Variants in FXYD5 observed in about 807,000 individuals in gnomAD.
FXYD5 encodes FXYD domain-containing ion transport regulator 5.
A neutral mutation model predicts 25.7 loss-of-function variants in FXYD5; 21 were observed. The observed-to-expected ratio is 0.82, with a 90% CI of 0.58 to 1.18. FXYD5 has a LOEUF of 1.18. FXYD5 is among the 50% of genes most tolerant of loss of function. The pLI, the probability that FXYD5 is intolerant of heterozygous loss-of-function variation, is 0.00. For synonymous variants in FXYD5, 101 were observed against 90.7 expected, an observed-to-expected ratio of 1.11 and a Z score of -0.64; for missense variants, 229 against 227.7, an observed-to-expected ratio of 1.01 and a Z score of -0.04.
At chr19:35,162,692 T>G (rs1299980458) in intron 5 of FXYD5, among the ~76,000 whole-genome samples, 1 of 152,060 alleles carries the variant, frequency 6.6e-6, no homozygotes, top group Non-Finnish European at 1.5e-5. Flanking sequence ...TCACATGGAA[T>G]TTGGTGGGGT....
intron 8 of FXYD5, among the ~76,000 whole-genome samples, chr19:35,168,245 T>C (rs1203488250): frequency 6.6e-6 from 1 of 152,172 alleles, no homozygotes; most frequent in Non-Finnish European, 1.5e-5. Flanking sequence ...CAAGCAGCCC[T>C]GGTCCCTGTC....
At chr19:35,163,513 G>A (rs965093978) in intron 5 of FXYD5, among the ~76,000 whole-genome samples, 12 of 151,468 alleles carry the variant, frequency 7.9e-5, no homozygotes, top group African/African-American at 2.9e-4. Context: ...ACAGAGTGTT[G>A]CTCTGTTGCC....
chr19:35,163,116 G>C (rs879714894), intron 5 of FXYD5, among the ~76,000 whole-genome samples: 1 of 152,242 alleles, frequency 6.6e-6, no homozygotes, highest in African/African-American at 2.4e-5. Flanking sequence ...AGTCCAGACT[G>C]TCTCACCCCA....
At chr19:35,165,767 G>A (rs939030244) in intron 6 of FXYD5, among the ~76,000 whole-genome samples, 13 of 152,102 alleles carry the variant, frequency 8.5e-5, no homozygotes, top group Admixed American at 6.6e-4. Flanking sequence ...TTGGGGATTA[G>A]GGATAGTCAA....
At chr19:35,164,822 A>T (rs1479473912) in intron 6 of FXYD5, among the ~76,000 whole-genome samples, 1 of 152,242 alleles carries the variant, frequency 6.6e-6, no homozygotes. Flanking sequence ...CTCTGCCCTC[A>T]TGGAACTACT....
In FXYD5 at chr19:35,166,057, A is replaced by G. The variant is rs113058708; in HGVS notation, c.383-85A>G. On this transcript the variant is annotated intron_variant, in intron 6 of 8. Coordinates refer to ENST00000392219, the MANE Select transcript of FXYD5 (RefSeq NM_014164.6). ...GGTTTTGTTCTAAGGGTACCCAGGT[A>G]TCCCCCTTTCCTGACTTTGCCATTC... 7,513 of 1,264,356 alleles carry G rather than the reference A, an allele frequency of 5.9e-3. 32 individuals are homozygous for G. The highest frequency in any genetic ancestry group is 7.5e-3 in the Non-Finnish European group (6,496 of 862,222). 78.3% of individuals were successfully genotyped at this position (1,264,356 alleles called of 1,614,324 possible).
chr19:35,157,388 C>T (rs74836246), intron 2 of FXYD5, 33 bp from the exon 3 acceptor site: 2 of 1,224,020 alleles, frequency 1.6e-6, no homozygotes, highest in South Asian at 1.2e-5. Flanking sequence ...GGGGACCAGG[C>T]TCCCTCCTGA....
intron 8 of FXYD5, 73 bp from the exon 9 acceptor site, chr19:35,169,493 C>A: frequency 8.8e-7 from 1 of 1,134,976 alleles, no homozygotes; most frequent in Non-Finnish European, 1.3e-6. Context: ...CAATCTGGTT[C>A]CCCAGCCCCA....
chr19:35,162,834 G>A (rs953568056), intron 5 of FXYD5, among the ~76,000 whole-genome samples: 2 of 152,160 alleles, frequency 1.3e-5, no homozygotes, highest in African/African-American at 4.8e-5. Context: ...GGGAAGGGAG[G>A]GCAATGTCTT....
intron 8 of FXYD5, 90 bp from the exon 9 acceptor site, chr19:35,169,476 G>A (rs1238415509): frequency 3.1e-6 from 3 of 971,608 alleles, no homozygotes; most frequent in Non-Finnish European, 5.0e-6. Flanking sequence ...CGAGGGGCAG[G>A]GTTGATCAAT....
chr19:35,162,353 T>A (rs1190363757), intron 5 of FXYD5, among the ~76,000 whole-genome samples: 1 of 152,140 alleles, frequency 6.6e-6, no homozygotes, highest in Non-Finnish European at 1.5e-5. Flanking sequence ...TCACCTAGGG[T>A]TTTAATCTGC....
chr19:35,169,336 C>T (rs1192893587), intron 8 of FXYD5, among the ~76,000 whole-genome samples: 2 of 151,900 alleles, frequency 1.3e-5, no homozygotes, highest in African/African-American at 4.8e-5. Context: ...AAGTGAGATA[C>T]AAAATAATGG....
In FXYD5 at chr19:35,164,197, T is replaced by C. The variant is rs1353918327; in HGVS notation, c.334T>C (p.Ser112Pro). Residue 112 changes from serine (S) to proline (P), a missense_variant, in exon 6 of 9, where the codon TCC becomes CCC. Transcript: ENST00000392219. Reference protein sequence around the residue: ...DDTTTLSERPSPSTDVQTDPQ... With the variant: ...DDTTTLSERPPPSTDVQTDPQ... The stretch of plus-strand genomic sequence containing the variant: ...CACCACGACGCTCTCTGAGAGACCA[T>C]CCCCAAGCACAGACGTCCAGACAGA... 1 of 1,613,926 alleles carries C rather than the reference T, an allele frequency of 6.2e-7. No individual in the cohort carries two copies. The highest frequency in any genetic ancestry group is 1.7e-5 in the Admixed American group (1 of 59,990).
At chr19:35,165,087 G>C (rs56058408) in intron 6 of FXYD5, among the ~76,000 whole-genome samples, 3 of 152,108 alleles carry the variant, frequency 2.0e-5, no homozygotes, top group Middle Eastern at 3.4e-3. Flanking sequence ...ATTTCCTTTC[G>C]GTGTCATGTC....
intron 5 of FXYD5, among the ~76,000 whole-genome samples, chr19:35,161,362 T>G (rs80290620): frequency 0.013 from 1,988 of 152,274 alleles, 44 homozygotes; most frequent in African/African-American, 0.042. Context: ...CTCTTGGTTC[T>G]GTTGTCTTCA....
intron 1 of FXYD5, chr19:35,155,135 C>T (rs575773900): frequency 1.3e-4 from 28 of 208,328 alleles, no homozygotes; most frequent in African/African-American, 6.5e-4. Context: ...CCCCTCCTCG[C>T]CGACTCCCGG....
At chr19:35,168,728 C>T (rs1055476386) in intron 8 of FXYD5, among the ~76,000 whole-genome samples, 2 of 152,158 alleles carry the variant, frequency 1.3e-5, no homozygotes, top group Non-Finnish European at 2.9e-5. Flanking sequence ...AACACCCTTC[C>T]TCCAGGTGTC....
rs140736585 is a variant in FXYD5, at chr19:35,169,794, C to A, written c.*179C>A. 2.1e-3 allele frequency: 1,256 copies of A among 604,126 alleles called. 8 individuals carry two copies. Among genetic ancestry groups the A allele is most frequent in the African/African-American group, 8.1e-3 (438 of 54,114 alleles). 37.4% of individuals were successfully genotyped at this position (604,126 alleles called of 1,614,324 possible). ...GTCTCCTACCTCCCCCAACCCTGCCCGCCCCTGAAGGCTACCTGGCGCCTT... is the reference window on the plus strand; with the variant it reads ...GTCTCCTACCTCCCCCAACCCTGCCAGCCCCTGAAGGCTACCTGGCGCCTT... On this transcript the variant is annotated 3_prime_UTR_variant, in exon 9 of 9. Transcript: ENST00000392219.
At position 35,157,406 on chromosome 19, in the gene FXYD5, T is replaced by A; in HGVS notation, c.62-15T>A. 6.7e-7 allele frequency: 1 copy of A among 1,491,888 alleles called. No homozygotes were observed. Among genetic ancestry groups the A allele is most frequent in the Non-Finnish European group, 9.4e-7 (1 of 1,069,470 alleles). The allele number at this position is 1,491,888 out of a possible 1,614,324, so 92.4% of individuals were successfully genotyped here. A position where few individuals can be genotyped will look rare whatever the true frequency, so the allele number is the denominator to read the frequency against. ...GACCAGGCTCCCTCCTGACTTCTCA[T>A]CCTTGATTCCCCAGGACAGACGTTG... On this transcript the variant is annotated splice_polypyrimidine_tract_variant and intron_variant, in intron 2 of 8. Transcript: ENST00000392219.
Sources: allele counts gnomAD v4.1 joint callset (sites outside exome capture counted in the v4.1 genomes callset), GRCh38; gene constraint gnomAD v4.1.1; transcripts MANE v1.5; gene names NCBI Gene and HGNC (gene_info 2026-07-23, HGNC 2026-07-21).